STARD8: variants seen among roughly 807,000 people sequenced by gnomAD.
STARD8 encodes the protein stAR-related lipid transfer protein 8.
A neutral mutation model predicts 69.4 loss-of-function variants in STARD8; 25 were observed. The observed-to-expected ratio is 0.36, with a 90% CI of 0.26 to 0.50. STARD8 has a LOEUF of 0.50. STARD8 is among the 20% of genes least tolerant of loss of function. The pLI is 0.96. For synonymous variants in STARD8, 389 were observed against 374.6 expected (o/e 1.04, Z -0.45); for missense variants, 921 against 932.5 (o/e 0.99, Z 0.16).
At chrX:68,649,048 C>T (rs1247226225) in intron 1 of STARD8, among the ~76,000 whole-genome samples, 1 of 112,072 alleles carries the variant, frequency 8.9e-6, no homozygotes, top group Non-Finnish European at 1.9e-5. Context: ...TGTGGTTTCC[C>T]ACAGTCCAAC....
Position 68,723,980 on chromosome X carries a change from T to G in STARD8, c.3053T>G (p.Leu1018Arg), listed in dbSNP as rs2080176588. ...TCTGACCTGCCTCGTGGGGGTTGCC[T>G]GCTTGTCTCCCAGTCCCTGGATCCG... The part of the protein sequence containing the change: ...WRSDLPRGGC[L>R]LVSQSLDPEQ... Residue 1018 changes from leucine (L) to arginine (R), a missense_variant, in exon 14 of 15, where the codon CTG (leucine) becomes CGG (arginine). Leu to Arg is a moderately radical substitution (Grantham distance 102). Transcript: ENST00000374599. 8.3e-7 allele frequency: 1 copy of G among 1,210,686 alleles called. No individual in the cohort carries two copies. The highest frequency in any genetic ancestry group is 2.2e-5 in the Admixed American group (1 of 45,932).
At chrX:68,711,340 T>C (rs1238409339) in intron 2 of STARD8, among the ~76,000 whole-genome samples, 2 of 111,429 alleles carry the variant, frequency 1.8e-5, no homozygotes, top group Non-Finnish European at 3.8e-5. Flanking sequence ...CCTGTGGGTA[T>C]ATACAGGTGC....
intron 2 of STARD8, among the ~76,000 whole-genome samples, chrX:68,699,617 C>T (rs2079950873): frequency 1.8e-5 from 2 of 111,290 alleles, no homozygotes; most frequent in Non-Finnish European, 3.8e-5. Flanking sequence ...CTTCTCAGAC[C>T]TGGAGCAGCC....
intron 2 of STARD8, among the ~76,000 whole-genome samples, chrX:68,685,063 T>G (rs1021803112): frequency 8.9e-6 from 1 of 112,146 alleles, no homozygotes; most frequent in Non-Finnish European, 1.9e-5. Context: ...AATAAGCACA[T>G]ATCAACTGGA....
At chrX:68,662,953 C>T (rs934679888) in intron 1 of STARD8, among the ~76,000 whole-genome samples, 4 of 111,988 alleles carry the variant, frequency 3.6e-5, no homozygotes, top group African/African-American at 1.3e-4. Context: ...CAGGACTTAG[C>T]TCTGAGGAGG....
chrX:68,665,634 C>T (rs969562582), intron 2 of STARD8, 102 bp downstream of exon 2: 49 of 898,593 alleles, frequency 5.5e-5, no homozygotes, highest in South Asian at 1.6e-4. Context: ...GCAGAGCCAA[C>T]GGCCGAGATG....
At chrX:68,670,243 C>T (rs2147884833) in intron 2 of STARD8, among the ~76,000 whole-genome samples, 1 of 112,029 alleles carries the variant, frequency 8.9e-6, no homozygotes, top group Non-Finnish European at 1.9e-5. Context: ...AGTTAGTCAC[C>T]TCTGCCCCAT....
At position 68,724,408 on chromosome X, in the gene STARD8, G is replaced by C; in HGVS notation, c.3298G>C (p.Glu1100Gln). The change falls in exon 15 of 15, where the codon GAG becomes CAG. Residue 1100 changes from glutamate to glutamine, a missense_variant. Physicochemically the swap from Glu to Gln is conservative, Grantham distance 29 (BLOSUM62 2). Transcript: ENST00000374599. ...CCCCACCCTGCAGGCAGCGGGCCCT[G>C]AGACAAAGCTGTGAGCCTTGGGCTG... ...SFPTLQAAGP[E>Q]TKL 8.3e-7 allele frequency: 1 copy of C among 1,203,790 alleles called. No homozygotes were observed. The highest frequency in any genetic ancestry group is 1.1e-6 in the Non-Finnish European group (1 of 891,277).
intron 1 of STARD8, among the ~76,000 whole-genome samples, chrX:68,653,171 CA>C (rs2079575769): frequency 1.7e-5 from 1 of 57,827 alleles, no homozygotes; most frequent in African/African-American, 7.2e-5. Flanking sequence ...ACACACCACA[CA>C]CACACAACAC....
At chrX:68,684,152 T>G (rs988962021) in intron 2 of STARD8, among the ~76,000 whole-genome samples, 2 of 112,844 alleles carry the variant, frequency 1.8e-5, no homozygotes, top group African/African-American at 6.4e-5. Flanking sequence ...TGTCATATTA[T>G]GTCCATTATC....
chrX:68,720,574 C>T (rs1602616526), intron 8 of STARD8, 151 bp downstream of exon 8: 1 of 650,066 alleles, frequency 1.5e-6, no homozygotes, highest in Non-Finnish European at 2.2e-6. Flanking sequence ...CTGTTCTCAG[C>T]AAGGACCAGC....
chrX:68,695,754 G>A (rs942912557), intron 2 of STARD8, among the ~76,000 whole-genome samples: 1 of 111,840 alleles, frequency 8.9e-6, no homozygotes. Flanking sequence ...AAGAAGACTC[G>A]AATGTTGTCC....
chrX:68,720,153 G>A (rs1471121021), intron 7 of STARD8, 111 bp from the exon 8 acceptor site: 2 of 895,533 alleles, frequency 2.2e-6, no homozygotes, highest in Non-Finnish European at 3.0e-6. Flanking sequence ...GTTGACTCTG[G>A]GGCAGTGGTG....
Position 68,717,861 on chromosome X carries a change from T to C in STARD8, c.947T>C (p.Ile316Thr), listed in dbSNP as rs940491973. The part of the protein sequence containing the change: ...KPGTFPRSLS[I>T]ESLCPEDGHR... ...GGCACATTCCCTCGCTCCCTGTCCA[T>C]TGAGAGCCTGTGTCCTGAGGATGGA... is the stretch of plus-strand genomic sequence containing the variant. The change falls in exon 6 of 15, where the codon ATT (isoleucine) becomes ACT (threonine). Residue 316 changes from isoleucine to threonine, a missense_variant. Transcript: ENST00000374599. The C allele has an allele frequency of 8.3e-7, 1 of 1,210,074 alleles. No homozygotes were observed. The highest frequency in any genetic ancestry group is 1.1e-6 in the Non-Finnish European group (1 of 894,701).
rs141044867 is a variant in STARD8, at chrX:68,717,832, A to C, written c.918A>C (p.Lys306Asn). Residue 306 changes from lysine to asparagine, a missense_variant, in exon 6 of 15, where the codon AAA (lysine) becomes AAC (asparagine). Coordinates refer to ENST00000374599, the MANE Select transcript of STARD8 (RefSeq NM_001142503.3). ...DCLVHVPGDH[K>N]PGTFPRSLSI... The stretch of plus-strand genomic sequence containing the variant: ...TGGTGCACGTTCCTGGGGACCACAA[A>C]CCAGGCACATTCCCTCGCTCCCTGT... 1.1e-3 allele frequency: 1,307 copies of C among 1,209,577 alleles called. 1 individual carries two copies. The highest frequency in any genetic ancestry group is 1.1e-3 in the Middle Eastern group (5 of 4,350).
chrX:68,711,018 C>T (rs976942383), intron 2 of STARD8, among the ~76,000 whole-genome samples: 1 of 111,970 alleles, frequency 8.9e-6, no homozygotes, highest in African/African-American at 3.3e-5. Context: ...TCCCTTTGGA[C>T]TGGTCTTACA....
At chrX:68,721,981 C>A in intron 10 of STARD8, 66 bp from the exon 11 acceptor site, 1 of 1,015,303 alleles carries the variant, frequency 9.8e-7, no homozygotes, top group South Asian at 2.2e-5. Flanking sequence ...TAGAAGGCAG[C>A]CTGTCTGCCA....
At chrX:68,711,823 G>A (rs1177580098) in intron 2 of STARD8, among the ~76,000 whole-genome samples, 3 of 112,237 alleles carry the variant, frequency 2.7e-5, no homozygotes, top group Non-Finnish European at 5.6e-5. Flanking sequence ...GTGGCCACAG[G>A]TGCTGAGGAA....
intron 2 of STARD8, among the ~76,000 whole-genome samples, chrX:68,680,130 C>T (rs374883551): frequency 1.8e-5 from 2 of 111,838 alleles, no homozygotes; most frequent in East Asian, 2.8e-4. Flanking sequence ...AGAACTTCTT[C>T]GAGAACTCAG....
Sources: gnomAD v4.1 joint callset for allele counts (sites outside exome capture counted in the v4.1 genomes callset) on GRCh38, gnomAD v4.1.1 for gene constraint, MANE v1.5 for transcripts, NCBI Gene and HGNC (gene_info 2026-07-23, HGNC 2026-07-21) for gene names.